The following FOCAD variants were observed in gnomAD, a reference collection of about 807,000 sequenced individuals.
FOCAD encodes the protein focadhesin, also known as KIAA1797.
A neutral mutation model predicts 225.6 loss-of-function variants in FOCAD; 198 were observed. The ratio of observed to expected loss-of-function variants is 0.88; its 90% CI spans 0.78 to 0.99. The LOEUF is 0.99. Ranked by LOEUF, FOCAD falls within the 50% of genes least tolerant of loss-of-function variation. The pLI, the probability that FOCAD is intolerant of heterozygous loss-of-function variation, is 0.00. For synonymous variants in FOCAD, 897 were observed against 755.0 expected (o/e 1.19, Z -3.08); for missense variants, 2,713 against 2,123.6 (o/e 1.28, Z -5.46).
rs370241061 is a variant in FOCAD at position 20,742,398 on chromosome 9, T to C, written c.392+2058T>C. ...TGCAGATTCTTTTTCCTTAGTCTAG[T>C]GTGGGCTCAAGATTCTTGTCTAACA... is the stretch of plus-strand genomic sequence containing the variant. On this transcript the variant is annotated intron_variant, in intron 5 of 43. Coordinates refer to ENST00000338382, the MANE Select transcript of FOCAD (RefSeq NM_001375567.1). Among the ~76,000 whole-genome samples, 42 of 152,118 alleles carry C rather than the reference T, an allele frequency of 2.8e-4. No individual in the cohort carries two copies. In the South Asian group the frequency reaches 4.3e-3, roughly 16 times the overall value.
In FOCAD at chr9:20,885,204, C is replaced by A; in HGVS notation, c.2599C>A (p.Gln867Lys). Residue 867 changes from glutamine to lysine, a missense_variant, in exon 21 of 44, where the codon CAG becomes AAG. Coordinates refer to ENST00000338382, the MANE Select transcript of FOCAD (RefSeq NM_001375567.1). ...GGCCAGCAGAGGGCGAAGTTTCAAGCAGACTTCACTTGCTCTTGTACATGA... is the reference window on the plus strand; with the variant it reads ...GGCCAGCAGAGGGCGAAGTTTCAAGAAGACTTCACTTGCTCTTGTACATGA... ...LMASRGRSFKQTSLALVHEVH... is the reference protein window; with the variant it reads ...LMASRGRSFKKTSLALVHEVH... The A allele has an allele frequency of 6.5e-7, 1 of 1,535,672 alleles. No individual in the cohort carries two copies.
At chr9:20,993,476 G>A in intron 43 of FOCAD, 148 bp downstream of exon 43, 2 of 650,360 alleles carry the variant, frequency 3.1e-6, no homozygotes, top group Non-Finnish European at 5.3e-6. Flanking sequence ...GATGTTTTTG[G>A]ATTTGGGTAT....
chr9:20,994,880 C>T (rs1377605317), intron 43 of FOCAD, among the ~76,000 whole-genome samples: 1 of 152,142 alleles, frequency 6.6e-6, no homozygotes, highest in Admixed American at 6.5e-5. Context: ...TTATTAGATT[C>T]ACATACAATA....
At chr9:20,783,187 T>A (rs2131120365) in intron 10 of FOCAD, among the ~76,000 whole-genome samples, 1 of 152,294 alleles carries the variant, frequency 6.6e-6, no homozygotes, top group Admixed American at 6.5e-5. Flanking sequence ...TGGTTTACTA[T>A]TTGCTCAGAT....
intron 11 of FOCAD, among the ~76,000 whole-genome samples, chr9:20,806,078 C>T (rs1435998521): frequency 1.3e-5 from 2 of 152,172 alleles, no homozygotes; most frequent in East Asian, 3.8e-4. Context: ...TTAGCATTTA[C>T]AAGCACCTGG....
At chr9:20,869,363 T>G (rs1419671316) in intron 18 of FOCAD, among the ~76,000 whole-genome samples, 3 of 152,164 alleles carry the variant, frequency 2.0e-5, no homozygotes, top group Admixed American at 1.3e-4. Context: ...ATATAAGATA[T>G]CCTTACAAAT....
At chr9:20,810,084 A>T (rs2131345176) in intron 11 of FOCAD, among the ~76,000 whole-genome samples, 1 of 152,282 alleles carries the variant, frequency 6.6e-6, no homozygotes, top group South Asian at 2.1e-4. Context: ...AAAGGATAGA[A>T]AGCAAAATTA....
intron 4 of FOCAD, among the ~76,000 whole-genome samples, chr9:20,735,380 C>A (rs1218674312): frequency 1.3e-5 from 2 of 152,182 alleles, no homozygotes; most frequent in Non-Finnish European, 2.9e-5. Flanking sequence ...TTTATAGTCA[C>A]ATTTGAAAAA....
At chr9:20,920,432 A>T (rs111774542) in intron 24 of FOCAD, among the ~76,000 whole-genome samples, 112,345 of 112,748 alleles carry the variant, frequency 1, 55,971 homozygotes, top group Middle Eastern at 1. Context: ...AGAACTAGAA[A>T]TACCATTTGA....
chr9:20,992,035 A>G (rs768190257), intron 42 of FOCAD, among the ~76,000 whole-genome samples: 5 of 152,056 alleles, frequency 3.3e-5, no homozygotes, highest in Non-Finnish European at 7.4e-5. Flanking sequence ...AATTAGGAAT[A>G]TTTTCTTTTT....
intron 7 of FOCAD, among the ~76,000 whole-genome samples, chr9:20,766,898 A>C (rs963842820): frequency 6.6e-6 from 1 of 152,030 alleles, no homozygotes; most frequent in African/African-American, 2.4e-5. Flanking sequence ...ATATGTATAC[A>C]TGTGCCATGC....
At chr9:20,806,197 A>G (rs749092082) in intron 11 of FOCAD, among the ~76,000 whole-genome samples, 69 of 152,208 alleles carry the variant, frequency 4.5e-4, no homozygotes, top group Non-Finnish European at 8.1e-4. Context: ...CCTAGTAAAT[A>G]TGTTTTCAGA....
chr9:20,661,230 C>A (rs568796212), intron 2 of FOCAD, among the ~76,000 whole-genome samples: 2 of 152,120 alleles, frequency 1.3e-5, no homozygotes, highest in South Asian at 4.2e-4. Context: ...GGGAGACAAC[C>A]AAAGACTAGT....
At chr9:20,783,102 A>G (rs750871233) in intron 10 of FOCAD, among the ~76,000 whole-genome samples, 40 of 152,164 alleles carry the variant, frequency 2.6e-4, no homozygotes, top group Non-Finnish European at 5.7e-4. Context: ...AAGAGTTGGC[A>G]GGGCAAGAGT....
chr9:20,818,707 A>G (rs1824000329), intron 11 of FOCAD, among the ~76,000 whole-genome samples: 1 of 151,862 alleles, frequency 6.6e-6, no homozygotes, highest in African/African-American at 2.4e-5. Flanking sequence ...CTGGACTCTG[A>G]ATTCTATTTC....
chr9:20,743,372 T>C (rs1202094505), intron 5 of FOCAD, among the ~76,000 whole-genome samples: 1 of 152,250 alleles, frequency 6.6e-6, no homozygotes, highest in Non-Finnish European at 1.5e-5. Flanking sequence ...CAGCTGGGGC[T>C]TAAGTATTTC....
chr9:20,865,932 A>G lies in FOCAD; in HGVS notation c.2062A>G (p.Lys688Glu), dbSNP rs1273255311. Reference sequence around the variant, plus strand: ...TTGTATGTTAACTTTTCAGAATTTTAAAGTTCAAGTCCTCAGCTTCCTCTG... The same window carrying G: ...TTGTATGTTAACTTTTCAGAATTTTGAAGTTCAAGTCCTCAGCTTCCTCTG... ...TVNTTEYENF[K>E]VQVLSFLWTH... The change falls in exon 17 of 44, where the codon AAA (lysine) becomes GAA (glutamate). Residue 688 changes from lysine (K) to glutamate (E), a missense_variant. Coordinates refer to ENST00000338382, the MANE Select transcript of FOCAD (RefSeq NM_001375567.1). 6.2e-7 allele frequency: 1 copy of G among 1,606,920 alleles called. No homozygotes were observed. The highest frequency in any genetic ancestry group is 8.5e-7 in the Non-Finnish European group (1 of 1,176,720).
At chr9:20,734,323 A>G (rs1326694750) in intron 4 of FOCAD, among the ~76,000 whole-genome samples, 2 of 152,212 alleles carry the variant, frequency 1.3e-5, no homozygotes, top group Non-Finnish European at 1.5e-5. Context: ...AGTCAGATCC[A>G]GGTACATGGA....
chr9:20,951,736 C>T (rs1249155892), intron 34 of FOCAD, among the ~76,000 whole-genome samples: 2 of 152,076 alleles, frequency 1.3e-5, no homozygotes, highest in East Asian at 3.8e-4. Flanking sequence ...TTTGCAGTCC[C>T]GACATGCTTA....
Sources: allele counts gnomAD v4.1 joint callset (sites outside exome capture counted in the v4.1 genomes callset), GRCh38; gene constraint gnomAD v4.1.1; transcripts MANE v1.5; gene names NCBI Gene and HGNC (gene_info 2026-07-23, HGNC 2026-07-21).